The following CCDC170 variants were observed in gnomAD, a reference collection of about 807,000 sequenced individuals.
CCDC170 encodes coiled-coil domain-containing protein 170.
In CCDC170, 69 loss-of-function variants were observed where a neutral mutation model predicts 72.6. The ratio of observed to expected loss-of-function variants is 0.95; its 90% CI spans 0.78 to 1.16. The LOEUF is 1.16. Ranked by LOEUF, CCDC170 falls within the 50% of genes most tolerant of loss-of-function variation. The probability of loss-of-function intolerance (pLI) is 0.00; values close to 1 mark genes in which losing one functional copy is unlikely to be tolerated. For synonymous variants in CCDC170, 300 were observed against 303.9 expected (o/e 0.99, Z 0.13); for missense variants, 852 against 832.5 (o/e 1.02, Z -0.29).
chr6:151,523,331 C>T (rs1359525269), intron 1 of CCDC170, among the ~76,000 whole-genome samples: 1 of 152,078 alleles, frequency 6.6e-6, no homozygotes, highest in South Asian at 2.1e-4. Context: ...TTAATTTTCT[C>T]TCTGGCATAT....
At chr6:151,512,483 A>T (rs1229279301) in intron 1 of CCDC170, among the ~76,000 whole-genome samples, 1 of 152,116 alleles carries the variant, frequency 6.6e-6, no homozygotes, top group Non-Finnish European at 1.5e-5. Flanking sequence ...ATTTTAAAAT[A>T]AACACATATT....
intron 1 of CCDC170, among the ~76,000 whole-genome samples, chr6:151,503,359 A>C (rs1782020978): frequency 6.6e-6 from 1 of 152,182 alleles, no homozygotes; most frequent in Non-Finnish European, 1.5e-5. Context: ...TGGCTCCCCA[A>C]GGAGATAACA....
intron 8 of CCDC170, 135 bp downstream of exon 8, chr6:151,593,415 G>A: frequency 2.1e-6 from 2 of 945,958 alleles, no homozygotes; most frequent in Non-Finnish European, 3.1e-6. Context: ...TTTAGAATTG[G>A]AGGCTCAATT....
chr6:151,537,622 A>C (rs1782611201), intron 2 of CCDC170, among the ~76,000 whole-genome samples: 1 of 152,224 alleles, frequency 6.6e-6, no homozygotes. Context: ...ATATAGTGAT[A>C]TACTGAGTAG....
rs138704807 is a variant in CCDC170, at chr6:151,589,604, A to G, written c.1294-3503A>G. Among the ~76,000 whole-genome samples, 1,438 of 150,342 alleles carry G rather than the reference A, an allele frequency of 9.6e-3. 18 individuals carry two copies. The highest frequency in any genetic ancestry group is 0.038 in the Middle Eastern group (11 of 292). ...CAGCAGCTGTGCTTTGGCTCTGAGA[A>G]TTGTGCTCATTAACACGGACTAGGG... On this transcript the variant is annotated intron_variant, in intron 7 of 10. Coordinates refer to ENST00000239374, the MANE Select transcript of CCDC170 (RefSeq NM_025059.4).
chr6:151,501,118 T>TC (rs1781988749), intron 1 of CCDC170, among the ~76,000 whole-genome samples: 1 of 152,132 alleles, frequency 6.6e-6, no homozygotes, highest in African/African-American at 2.4e-5. Context: ...ATTAAATGTT[T>TC]CCCCTTGTTT....
intron 9 of CCDC170, among the ~76,000 whole-genome samples, chr6:151,610,644 T>A (rs1314447125): frequency 6.6e-6 from 1 of 152,206 alleles, no homozygotes; most frequent in Non-Finnish European, 1.5e-5. Context: ...TGCTCTGATG[T>A]ATTGGTATCT....
chr6:151,607,660 C>T (rs940141426), intron 9 of CCDC170, among the ~76,000 whole-genome samples: 3 of 151,602 alleles, frequency 2.0e-5, no homozygotes, highest in African/African-American at 4.8e-5. Flanking sequence ...CACTTTGAAT[C>T]CCATTCTCTC....
At chr6:151,595,416 G>T (rs1214410014) in intron 8 of CCDC170, among the ~76,000 whole-genome samples, 1 of 152,104 alleles carries the variant, frequency 6.6e-6, no homozygotes, top group Non-Finnish European at 1.5e-5. Flanking sequence ...TAAAGACCAA[G>T]AAACCTTCTT....
intron 5 of CCDC170, among the ~76,000 whole-genome samples, chr6:151,557,437 G>A (rs965797756): frequency 6.6e-6 from 1 of 151,664 alleles, no homozygotes; most frequent in African/African-American, 2.4e-5. Flanking sequence ...CCATTCATCC[G>A]TTGGTGGACA....
At chr6:151,553,188 C>T (rs1404709873) in intron 5 of CCDC170, among the ~76,000 whole-genome samples, 1 of 152,114 alleles carries the variant, frequency 6.6e-6, no homozygotes, top group Non-Finnish European at 1.5e-5. Flanking sequence ...GAATACTTAC[C>T]ATTAGCCCAG....
At chr6:151,605,678 G>A (rs1562297788) in intron 9 of CCDC170, among the ~76,000 whole-genome samples, 2 of 152,044 alleles carry the variant, frequency 1.3e-5, no homozygotes, top group Non-Finnish European at 2.9e-5. Flanking sequence ...TGCACTTGTG[G>A]TGCTGGGAAG....
In CCDC170 at chr6:151,494,120, C is replaced by G. The variant is rs763453351; in HGVS notation, c.-9C>G. On this transcript the variant is annotated 5_prime_UTR_variant, in exon 1 of 11. Coordinates refer to ENST00000239374, the MANE Select transcript of CCDC170 (RefSeq NM_025059.4). ...CCGGGTCCGAGCGCGCCCCCGGGCT[C>G]GGGTCGTCATGAGCCTGGACTGCAC... is the stretch of plus-strand genomic sequence containing the variant. 118 of 1,496,456 alleles carry G rather than the reference C, an allele frequency of 7.9e-5. No individual in the cohort carries two copies. Among genetic ancestry groups the G allele is most frequent in the Non-Finnish European group, 8.9e-5 (101 of 1,129,874 alleles). 92.7% of individuals were successfully genotyped at this position (1,496,456 alleles called of 1,614,324 possible).
intron 1 of CCDC170, 84 bp downstream of exon 1, chr6:151,494,269 C>T: frequency 7.5e-7 from 1 of 1,332,408 alleles, no homozygotes; most frequent in Non-Finnish European, 9.9e-7. Flanking sequence ...CTGATTTGCA[C>T]CCTTTTCCTC....
At chr6:151,606,818 T>TACATATATATA (rs1237389035) in intron 9 of CCDC170, among the ~76,000 whole-genome samples, 4 of 152,228 alleles carry the variant, frequency 2.6e-5, no homozygotes, top group African/African-American at 7.2e-5. Flanking sequence ...CATATATATT[T>TACATATATATA]ACAATTGTTA....
Position 151,538,027 on chromosome 6 carries a change from A to ATTTT in CCDC170, c.187-18_187-17insTTTT. On this transcript the variant is annotated splice_polypyrimidine_tract_variant and intron_variant, in intron 2 of 10. Coordinates refer to ENST00000239374, the MANE Select transcript of CCDC170 (RefSeq NM_025059.4). ...GTTGTTAAGGTTTTTTTTTTTTTTA[A>ATTTT]CTTCTTTTCCATGTTAGCTTCAAGA... is the stretch of plus-strand genomic sequence containing the variant. The ATTTT allele has an allele frequency of 6.6e-7, 1 of 1,519,096 alleles. No individual in the cohort carries two copies. The allele number at this position is 1,519,096 out of a possible 1,614,324, so 94.1% of individuals were successfully genotyped here.
chr6:151,504,694 G>A (rs1172887136), intron 1 of CCDC170, among the ~76,000 whole-genome samples: 5 of 151,922 alleles, frequency 3.3e-5, no homozygotes. Context: ...AGGGGGTAAT[G>A]CTGACCTTGA....
chr6:151,556,656 C>T (rs1008892243), intron 5 of CCDC170, among the ~76,000 whole-genome samples: 24 of 152,044 alleles, frequency 1.6e-4, no homozygotes, highest in South Asian at 1.0e-3. Flanking sequence ...TTTTATTACA[C>T]GCATAGAATG....
chr6:151,547,887 T>C (rs543121804), intron 4 of CCDC170, among the ~76,000 whole-genome samples: 1 of 152,200 alleles, frequency 6.6e-6, no homozygotes, highest in Non-Finnish European at 1.5e-5. Flanking sequence ...AATATTTTTT[T>C]AAAAAGCATG....
Sources: allele counts gnomAD v4.1 joint callset (sites outside exome capture counted in the v4.1 genomes callset), GRCh38; gene constraint gnomAD v4.1.1; transcripts MANE v1.5; gene names NCBI Gene and HGNC (gene_info 2026-07-23, HGNC 2026-07-21).